The following MMP28 variants were observed in gnomAD, a reference collection of about 807,000 sequenced individuals.
The protein encoded by MMP28 is matrix metalloproteinase-28.
In MMP28, 55 loss-of-function variants were observed where a neutral mutation model predicts 60.5. The ratio of observed to expected loss-of-function variants is 0.91; its 90% CI spans 0.73 to 1.14. The LOEUF (loss-of-function observed/expected upper bound fraction) is 1.14, where lower values mean the gene tolerates loss of function less well. MMP28 is among the 50% of genes most tolerant of loss of function. The pLI is 0.00. For synonymous variants in MMP28, 318 were observed against 312.5 expected, an observed-to-expected ratio of 1.02 and a Z score of -0.18; for missense variants, 686 against 738.3, an observed-to-expected ratio of 0.93 and a Z score of 0.82.
chr17:35,760,512 A>G lies in MMP28; in HGVS notation c.266-4093T>C, dbSNP rs182786763. On this transcript the variant is annotated intron_variant, in intron 2 of 2. Transcript: ENST00000615317. ...AGGAAGAGGAAGACAGAATATAATG[A>G]TACAAACAAACCCAGTGCTTTCAGT... Among the ~76,000 whole-genome samples the G allele has an allele frequency of 2.1e-3, 316 of 152,314 alleles. 3 individuals are homozygous for G. Among genetic ancestry groups the G allele is most frequent in the African/African-American group, 7.3e-3 (305 of 41,562 alleles).
chr17:35,779,748 T>C lies in MMP28; in HGVS notation c.112-425A>G, dbSNP rs1598453344. Among the ~76,000 whole-genome samples the C allele has an allele frequency of 2.0e-5, 3 of 152,342 alleles. No homozygotes were observed. In the South Asian group the frequency reaches 6.2e-4, roughly 32 times the overall value. On this transcript the variant is annotated intron_variant, in intron 1 of 7. Transcript: ENST00000605424. The stretch of plus-strand genomic sequence containing the variant: ...CTCAACTGTAAAGTGGGCTTAATAC[T>C]AGTACTTACCTTACAGGGGTTTTTT...
In MMP28 at chr17:35,766,752, G is replaced by A. The variant is rs1555603439; in HGVS notation, c.1311C>T (p.Arg437=). ...LRRLILFKGA[R]YYVLARGGLQ... ...GTCCCCCTCGGGCCAGCACGTAGTAGCGGGCACCCTTGAAGAGGATGAGGC... is the reference window on the plus strand; with the variant it reads ...GTCCCCCTCGGGCCAGCACGTAGTAACGGGCACCCTTGAAGAGGATGAGGC... Residue 437 remains arginine, a synonymous_variant, in exon 8 of 8, where the codon CGC becomes CGT. Coordinates refer to ENST00000605424, the MANE Select transcript of MMP28 (RefSeq NM_024302.5). The surrounding 1 kb of genome is among the most constrained non-coding windows in gnomAD (Gnocchi z 4.3). 7 of 1,585,088 alleles carry A rather than the reference G, an allele frequency of 4.4e-6. No individual in the cohort carries two copies. The highest frequency in any genetic ancestry group is 6.0e-6 in the Non-Finnish European group (7 of 1,166,644).
At chr17:35,784,368 T>C (rs2086589913) in intron 1 of MMP28, among the ~76,000 whole-genome samples, 1 of 152,018 alleles carries the variant, frequency 6.6e-6, no homozygotes, top group African/African-American at 2.4e-5. Context: ...AACATGTGTA[T>C]ATTCAAAAAA....
chr17:35,787,615 C>T (rs1038823165), intron 1 of MMP28, among the ~76,000 whole-genome samples: 2 of 152,124 alleles, frequency 1.3e-5, no homozygotes, highest in South Asian at 2.1e-4. Context: ...CTCAGTCTCC[C>T]GACTATCTGG....
At chr17:35,769,976 G>T in intron 5 of MMP28, 91 bp downstream of exon 5, 1 of 1,419,042 alleles carries the variant, frequency 7.0e-7, no homozygotes, top group South Asian at 1.5e-5. Flanking sequence ...AGCTTAGGAT[G>T]GGAAATCCTA....
chr17:35,795,323 G>C lies in MMP28; in HGVS notation c.55C>G (p.His19Asp). ...CGCTCCGCGGGCTGGGCGTCCAGGT[G>C]GCCCCACAGTAGCAGCTGCAGGGCG... ...LRALQLLLWG[H>D]LDAQPAERGG... Residue 19 changes from histidine to aspartate, a missense_variant, in exon 1 of 8, where the codon CAC becomes GAC. Transcript: ENST00000605424. 2 of 1,466,802 alleles carry C rather than the reference G, an allele frequency of 1.4e-6. No individual in the cohort carries two copies. Among genetic ancestry groups the C allele is most frequent in the Middle Eastern group, 1.7e-4 (1 of 5,778 alleles). The allele number at this position is 1,466,802 out of a possible 1,614,324, so 90.9% of individuals were successfully genotyped here.
rs191553783 is a variant in MMP28 at position 35,767,888 on chromosome 17, C to T, written c.1032G>A (p.Gly344=). ...DRQQQLYIFK[G]SHFWEVAADG... ...CAGCTGCCACCTCCCAGAAATGGCT[C>T]CCTTTAAAAATGTACAGTTGCTGTT... is the stretch of plus-strand genomic sequence containing the variant. The change falls in exon 7 of 8, where the codon GGG becomes GGA. Residue 344 remains glycine (G), a synonymous_variant. Transcript: ENST00000605424. 1.2e-4 allele frequency: 195 copies of T among 1,605,398 alleles called. No homozygotes were observed. In the African/African-American group the frequency reaches 2.1e-3, roughly 18 times the overall value.
chr17:35,795,086 T>C (rs1376212537), intron 1 of MMP28, among the ~76,000 whole-genome samples, 181 bp downstream of exon 1: 1 of 152,178 alleles, frequency 6.6e-6, no homozygotes, highest in African/African-American at 2.4e-5. Flanking sequence ...GCCTGTGTGG[T>C]TCCAGCCTGG....
intron 5 of MMP28, 134 bp from the exon 6 acceptor site, chr17:35,768,513 G>C (rs2086016948): frequency 1.4e-6 from 1 of 690,916 alleles, no homozygotes; most frequent in African/African-American, 1.8e-5. Flanking sequence ...GGGAGTGGGG[G>C]TTAAGAGTTG....
intron 1 of MMP28, among the ~76,000 whole-genome samples, chr17:35,783,802 T>C (rs534757661): frequency 1.0e-3 from 159 of 152,112 alleles, no homozygotes; most frequent in African/African-American, 3.6e-3. Flanking sequence ...AGGGCCTTTT[T>C]CAGGGGTCCC....
chr17:35,764,572 T>C (rs947220736), downstream of MMP28: 5 of 1,595,408 alleles, frequency 3.1e-6, no homozygotes, highest in African/African-American at 1.4e-5. Flanking sequence ...CACTGCGTTC[T>C]GGATCACCCG....
chr17:35,795,366 G>A lies in MMP28; in HGVS notation c.12C>T (p.Arg4=). The change falls in exon 1 of 8, where the codon CGC becomes CGT. Residue 4 remains arginine, a synonymous_variant. Transcript: ENST00000605424. ...GCAGGGCGCGCAGCAGGAGGCCGAC[G>A]CGCGCGACCATCTCGCCGCCTCCGG... MVA[R]VGLLLRALQL... is the part of the protein sequence containing the mutation. 6.9e-7 allele frequency: 1 copy of A among 1,443,422 alleles called. No homozygotes were observed. The highest frequency in any genetic ancestry group is 9.1e-7 in the Non-Finnish European group (1 of 1,101,058). The allele number at this position is 1,443,422 out of a possible 1,614,324, so 89.4% of individuals were successfully genotyped here.
Position 35,779,077 on chromosome 17 carries a change from T to C in MMP28, c.192-2A>G, listed in dbSNP as rs756457174. 1 of 1,613,510 alleles carries C rather than the reference T, an allele frequency of 6.2e-7. No homozygotes were observed. Among genetic ancestry groups the C allele is most frequent in the Non-Finnish European group, 8.5e-7 (1 of 1,179,594 alleles). On this transcript the variant is annotated splice_acceptor_variant, in intron 2 of 7. Coordinates refer to ENST00000605424, the MANE Select transcript of MMP28 (RefSeq NM_024302.5). LOFTEE classifies it high-confidence loss of function. ...AGCTGGGACACCCACTGAAACGCTC[T>C]GTCAGGAGGAAAGGACCGCAAGGGG...
intron 7 of MMP28, 110 bp from the exon 8 acceptor site, chr17:35,767,004 G>A: frequency 9.7e-7 from 1 of 1,035,000 alleles, no homozygotes; most frequent in Non-Finnish European, 1.5e-6. Flanking sequence ...AGCCCACGAT[G>A]GTTGGTATTC....
At position 35,781,511 on chromosome 17, in the gene MMP28, C is replaced by A. The variant is rs1452142481; in HGVS notation, c.112-2188G>T. The stretch of plus-strand genomic sequence containing the variant: ...CAGGGTCCAGGTACCTTTGACTCTG[C>A]CTACCCTAACACACCTGGAAGCTGT... On this transcript the variant is annotated intron_variant, in intron 1 of 7. Transcript: ENST00000605424. Among the ~76,000 whole-genome samples the A allele has an allele frequency of 2.6e-5, 4 of 152,144 alleles. No individual in the cohort carries two copies. The East Asian group carries it at 7.7e-4, about 29-fold the overall frequency.
chr17:35,764,853 C>G (rs113569545), downstream of MMP28: 14 of 395,238 alleles, frequency 3.5e-5, no homozygotes, highest in African/African-American at 8.4e-5. Flanking sequence ...CCGCTGTCAA[C>G]AGCGCCCACC....
Position 35,773,318 on chromosome 17 carries a change from G to T in MMP28, c.466C>A (p.Arg156Ser), listed in dbSNP as rs766498522. ...TTGCTCCACAACTGGAAGGCGGCGC[G>T]CACGGCGCCCCGAACTGCCGGCTCC... ...LPEPAVRGAV[R>S]AAFQLWSNVS... Residue 156 changes from arginine (R) to serine (S), a missense_variant, in exon 4 of 8, where the codon CGC becomes AGC. Transcript: ENST00000605424. The T allele has an allele frequency of 6.2e-7, 1 of 1,613,274 alleles. No individual in the cohort carries two copies. The highest frequency in any genetic ancestry group is 1.1e-5 in the South Asian group (1 of 90,958).
At chr17:35,764,645 C>T, downstream of MMP28, 5 of 1,544,522 alleles carry the variant, frequency 3.2e-6, no homozygotes, top group South Asian at 4.9e-5. Context: ...CCTTTGTGCC[C>T]TCCATCATTT....
exon 3 of MMP28, chr17:35,756,321 T>C: frequency 1.2e-6 from 1 of 855,560 alleles, no homozygotes; most frequent in Non-Finnish European, 1.4e-6. Flanking sequence ...CTCTGCTCCA[T>C]GAAGTTCTCC....
Sources: allele counts gnomAD v4.1 joint callset (sites outside exome capture counted in the v4.1 genomes callset), GRCh38; gene constraint gnomAD v4.1.1; non-coding constraint Gnocchi (gnomAD v3.1); transcripts MANE v1.5; gene names NCBI Gene and HGNC (gene_info 2026-07-23, HGNC 2026-07-21).